Variants in ATL2 observed in about 807,000 individuals in gnomAD.
The protein encoded by ATL2 is atlastin GTPase 2.
In ATL2, 31 loss-of-function variants were observed where a neutral mutation model predicts 73.9. That is an observed-to-expected ratio of 0.42 (90% CI 0.32 to 0.57). The LOEUF (loss-of-function observed/expected upper bound fraction) is 0.57. ATL2 is among the 20% of genes least tolerant of loss of function. ATL2 has a pLI of 0.14. For missense variants in ATL2, 738 were observed against 702.6 expected (o/e 1.05, Z -0.57); for synonymous variants, 291 against 237.5 (o/e 1.23, Z -2.07).
At chr2:38,370,859 TGGC>T (rs1238318333) in intron 1 of ATL2, among the ~76,000 whole-genome samples, 2 of 146,392 alleles carry the variant, frequency 1.4e-5, no homozygotes, top group East Asian at 4.0e-4. Context: ...TAAGCTGAAA[TGGC>T]GGGGGTGGGG....
chr2:38,327,050 G>C (rs1387765776), intron 2 of ATL2, among the ~76,000 whole-genome samples: 1 of 146,720 alleles, frequency 6.8e-6, no homozygotes, highest in African/African-American at 2.7e-5. Flanking sequence ...TGTTGACAAA[G>C]CTGGAAAAAA....
chr2:38,309,835 T>C (rs926243045), intron 8 of ATL2, among the ~76,000 whole-genome samples: 1 of 152,166 alleles, frequency 6.6e-6, no homozygotes, highest in Non-Finnish European at 1.5e-5. Flanking sequence ...AAACAATTCA[T>C]AAAATTGTAT....
intron 7 of ATL2, 66 bp downstream of exon 7, chr2:38,313,085 C>A: frequency 8.8e-7 from 1 of 1,131,930 alleles, no homozygotes; most frequent in Non-Finnish European, 1.3e-6. Flanking sequence ...GACCAGCAGT[C>A]CGGACAGCCC....
At chr2:38,307,787 T>C (rs1478016934) in intron 9 of ATL2, among the ~76,000 whole-genome samples, 1 of 151,760 alleles carries the variant, frequency 6.6e-6, no homozygotes, top group Non-Finnish European at 1.5e-5. Context: ...AATGATCTGA[T>C]CAAAAAACGG....
rs1423564903 is a variant in ATL2 at position 38,295,975 on chromosome 2, TC to T, written c.*18del. 2 of 1,514,164 alleles carry T rather than the reference TC, an allele frequency of 1.3e-6. No individual in the cohort carries two copies. The highest frequency in any genetic ancestry group is 2.8e-5 in the African/African-American group (2 of 71,802). 93.8% of individuals were successfully genotyped at this position (1,514,164 alleles called of 1,614,324 possible). ...AGCATGAAAAAAAAAGAGAGTGGAG[TC>T]CGTGAGGAGATGAACTGTCAGTCTG... is the stretch of plus-strand genomic sequence containing the variant. On this transcript the variant is annotated 3_prime_UTR_variant, in exon 13 of 13. Coordinates refer to ENST00000378954, the MANE Select transcript of ATL2 (RefSeq NM_001135673.4).
At chr2:38,303,329 C>T (rs1309256727) in intron 9 of ATL2, among the ~76,000 whole-genome samples, 2 of 152,118 alleles carry the variant, frequency 1.3e-5, no homozygotes, top group East Asian at 3.9e-4. Context: ...CCTCAGTGTC[C>T]CAAGTAGCTG....
chr2:38,371,748 A>T (rs989583000), intron 1 of ATL2, among the ~76,000 whole-genome samples: 11 of 151,962 alleles, frequency 7.2e-5, no homozygotes, highest in African/African-American at 2.7e-4. Context: ...AAATACAAAA[A>T]TTAGCTGGAC....
At chr2:38,324,543 A>G (rs767017628) in intron 2 of ATL2, among the ~76,000 whole-genome samples, 4 of 152,214 alleles carry the variant, frequency 2.6e-5, no homozygotes, top group African/African-American at 9.6e-5. Context: ...ATTTAACTTT[A>G]AAACAGTTTA....
intron 1 of ATL2, among the ~76,000 whole-genome samples, chr2:38,345,741 G>A (rs1350869507): frequency 1.3e-5 from 2 of 152,274 alleles, no homozygotes; most frequent in East Asian, 1.9e-4. Context: ...AACAAAACAG[G>A]ATGCAAACGG....
intron 1 of ATL2, among the ~76,000 whole-genome samples, chr2:38,364,450 G>C (rs13339869): frequency 6.6e-6 from 1 of 152,068 alleles, no homozygotes; most frequent in African/African-American, 2.4e-5. Flanking sequence ...TCAAGAGCCC[G>C]AATATAAAGT....
intron 2 of ATL2, among the ~76,000 whole-genome samples, chr2:38,342,804 A>G (rs1390802808): frequency 2.0e-5 from 3 of 152,052 alleles, no homozygotes; most frequent in Admixed American, 6.6e-5. Context: ...ATGCTCAATT[A>G]TATGTTTCCA....
At chr2:38,356,257 C>A (rs867072807) in intron 1 of ATL2, among the ~76,000 whole-genome samples, 2 of 151,772 alleles carry the variant, frequency 1.3e-5, no homozygotes, top group Non-Finnish European at 2.9e-5. Flanking sequence ...TCACTCTCAT[C>A]GACCAGGCTG....
At chr2:38,323,354 T>TA (rs1193380761) in intron 2 of ATL2, among the ~76,000 whole-genome samples, 2 of 114,124 alleles carry the variant, frequency 1.8e-5, no homozygotes, top group Non-Finnish European at 3.2e-5. Flanking sequence ...CAGAAGTTTT[T>TA]TTTTTTTTTT....
At chr2:38,318,092 G>C (rs1668120232) in intron 4 of ATL2, among the ~76,000 whole-genome samples, 15 of 152,188 alleles carry the variant, frequency 9.9e-5, no homozygotes. Context: ...AAAAGCTAGA[G>C]TGTGCATGAT....
At chr2:38,355,072 C>G (rs1670579366) in intron 1 of ATL2, among the ~76,000 whole-genome samples, 1 of 142,532 alleles carries the variant, frequency 7.0e-6, no homozygotes, top group African/African-American at 2.6e-5. Context: ...CTAAACACTC[C>G]AATAAAAACG....
At chr2:38,322,596 C>A (rs887963591) in intron 2 of ATL2, among the ~76,000 whole-genome samples, 1 of 151,932 alleles carries the variant, frequency 6.6e-6, no homozygotes, top group Non-Finnish European at 1.5e-5. Context: ...GTTTGCCAGC[C>A]CCCTCTTCCA....
intron 9 of ATL2, among the ~76,000 whole-genome samples, chr2:38,305,427 TAGTCTCAGCTACTCAGGAG>T (rs1159143182): frequency 6.6e-6 from 1 of 152,064 alleles, no homozygotes; most frequent in Non-Finnish European, 1.5e-5. Context: ...TGCGTTACTG[TAGTCTCAGCTACTCAGGAG>T]ACTGAGGCAG....
rs768773439 is a variant in ATL2, at chr2:38,296,122, T to C, written c.1633-9A>G. On this transcript the variant is annotated splice_polypyrimidine_tract_variant and intron_variant, in intron 12 of 12. Transcript: ENST00000378954. ...CCCAGGGGCTTCAATACCTGTGGTATGAGAAATGTGCAAAACAAACAAAAA... is the reference window on the plus strand; with the variant it reads ...CCCAGGGGCTTCAATACCTGTGGTACGAGAAATGTGCAAAACAAACAAAAA... 9.1e-6 allele frequency: 14 copies of C among 1,544,772 alleles called. No individual in the cohort carries two copies. Among genetic ancestry groups the C allele is most frequent in the Non-Finnish European group, 1.2e-5 (14 of 1,143,712 alleles).
chr2:38,375,442 G>A (rs1026194706), intron 1 of ATL2, among the ~76,000 whole-genome samples: 39 of 152,114 alleles, frequency 2.6e-4, no homozygotes, highest in Non-Finnish European at 1.2e-4. Flanking sequence ...ATGAGTAGCA[G>A]ACAAAAGCAT....
Sources: gnomAD v4.1 joint callset for allele counts (sites outside exome capture counted in the v4.1 genomes callset) on GRCh38, gnomAD v4.1.1 for gene constraint, MANE v1.5 for transcripts, NCBI Gene and HGNC (gene_info 2026-07-23, HGNC 2026-07-21) for gene names.